SYNJ1: variants seen among roughly 807,000 people sequenced by gnomAD.
SYNJ1 encodes the protein polyphosphatidylinositol phosphatase SYNJ1.
In SYNJ1, 78 loss-of-function variants were observed where a neutral mutation model predicts 168.2. The ratio of observed to expected loss-of-function variants is 0.46; its 90% confidence interval spans 0.39 to 0.56. The LOEUF (loss-of-function observed/expected upper bound fraction) is 0.56. Ranked by LOEUF, SYNJ1 falls within the 20% of genes least tolerant of loss-of-function variation. SYNJ1 has a pLI of 0.00. For missense variants in SYNJ1, 1,303 were observed against 1,597.6 expected (o/e 0.82, Z 3.14); for synonymous variants, 539 against 548.6 (o/e 0.98, Z 0.24).
intron 11 of SYNJ1, among the ~76,000 whole-genome samples, chr21:32,679,393 T>C (rs1251122957): frequency 6.6e-6 from 1 of 152,178 alleles, no homozygotes; most frequent in Non-Finnish European, 1.5e-5. Flanking sequence ...AGTTTGTATA[T>C]TTTGAGTCAT....
intron 6 of SYNJ1, among the ~76,000 whole-genome samples, chr21:32,689,710 C>T (rs888329750): frequency 1.3e-5 from 2 of 152,230 alleles, no homozygotes; most frequent in African/African-American, 4.8e-5. Flanking sequence ...ACTGAATTAA[C>T]AGTACAGTAT....
At chr21:32,696,771 G>A (rs1044569296) in intron 4 of SYNJ1, among the ~76,000 whole-genome samples, 21 of 152,156 alleles carry the variant, frequency 1.4e-4, no homozygotes, top group Non-Finnish European at 1.5e-5. Flanking sequence ...GATAAAAAGG[G>A]TGGTCAGCAG....
chr21:32,681,441 T>C, intron 11 of SYNJ1, 55 bp downstream of exon 11: 1 of 1,527,706 alleles, frequency 6.5e-7, no homozygotes, highest in Non-Finnish European at 8.8e-7. Flanking sequence ...TTAAAAGCTT[T>C]ATGAAGAGAG....
intron 6 of SYNJ1, among the ~76,000 whole-genome samples, chr21:32,691,333 C>A (rs147532485): frequency 6.6e-6 from 1 of 152,196 alleles, no homozygotes; most frequent in Non-Finnish European, 1.5e-5. Flanking sequence ...TGAGACTCCT[C>A]GCTCCCCTTT....
chr21:32,640,575 G>A (rs921472589), intron 29 of SYNJ1, among the ~76,000 whole-genome samples: 1 of 152,164 alleles, frequency 6.6e-6, no homozygotes, highest in African/African-American at 2.4e-5. Flanking sequence ...GACCACAGGC[G>A]TGAGCCACCG....
Position 32,684,032 on chromosome 21 carries a change from T to G in SYNJ1, c.1200+6A>C, listed in dbSNP as rs754273455. 18 of 1,613,078 alleles carry G rather than the reference T, an allele frequency of 1.1e-5. No individual in the cohort carries two copies. The highest frequency in any genetic ancestry group is 3.3e-5 in the Admixed American group (2 of 60,000). ...AAGGCACATACATTTTAATTTATTC[T>G]TTTACCTCTAAGCCAAGAAATGCCT... On this transcript the variant is annotated splice_donor_region_variant and intron_variant, in intron 10 of 32. Transcript: ENST00000674351.
chr21:32,718,401 G>A (rs1052237736), intron 2 of SYNJ1, among the ~76,000 whole-genome samples: 1 of 151,990 alleles, frequency 6.6e-6, no homozygotes, highest in African/African-American at 2.4e-5. Context: ...TATTAAATAC[G>A]TACATTCCTC....
chr21:32,666,361 T>C lies in SYNJ1; in HGVS notation c.1952+72A>G, dbSNP rs1027198213. 3.0e-5 allele frequency: 47 copies of C among 1,546,668 alleles called. No individual in the cohort carries two copies. In the East Asian group the frequency reaches 1.0e-3, roughly 34 times the overall value. Reference sequence around the variant, plus strand: ...GTTTTTGTTTGAAGAACTGAAACAATAAACATTCTAGGCTTTTTTCTTGTT... The same window carrying C: ...GTTTTTGTTTGAAGAACTGAAACAACAAACATTCTAGGCTTTTTTCTTGTT... On this transcript the variant is annotated intron_variant, in intron 16 of 32. Transcript: ENST00000674351.
intron 10 of SYNJ1, 62 bp from the exon 11 acceptor site, chr21:32,681,710 T>C: frequency 1.3e-6 from 2 of 1,490,356 alleles, no homozygotes; most frequent in Middle Eastern, 1.8e-4. Context: ...ATATGGCTTT[T>C]AAGAACTACC....
intron 23 of SYNJ1, among the ~76,000 whole-genome samples, 186 bp downstream of exon 23, chr21:32,649,998 C>T (rs2040215795): frequency 1.3e-5 from 2 of 152,158 alleles, no homozygotes; most frequent in Admixed American, 1.3e-4. Flanking sequence ...AATCCACCCT[C>T]CTCAGCCTCC....
chr21:32,714,966 A>C (rs970033857), intron 2 of SYNJ1, among the ~76,000 whole-genome samples: 2 of 152,182 alleles, frequency 1.3e-5, no homozygotes, highest in Non-Finnish European at 2.9e-5. Flanking sequence ...ATAATTATTC[A>C]ACCCAGCTCT....
In SYNJ1 at chr21:32,673,437, A is replaced by G. The variant is rs757310806; in HGVS notation, c.1629T>C (p.Asn543=). The change falls in exon 14 of 33, where the codon AAT becomes AAC. Residue 543 remains asparagine, a synonymous_variant. Coordinates refer to ENST00000674351, the MANE Select transcript of SYNJ1 (RefSeq NM_203446.3). ...IRVCVGTWNV[N]GGKQFRSIAF... Reference sequence around the variant, plus strand: ...CTATGCTGCGAAATTGCTTCCCACCATTCACATTCCAGGTTCCGACACATA... The same window carrying G: ...CTATGCTGCGAAATTGCTTCCCACCGTTCACATTCCAGGTTCCGACACATA... 9.9e-6 allele frequency: 16 copies of G among 1,613,762 alleles called. No individual in the cohort carries two copies. In the South Asian group the frequency reaches 1.6e-4, roughly 17 times the overall value.
chr21:32,719,639 G>A (rs1412615490), intron 2 of SYNJ1, among the ~76,000 whole-genome samples: 1 of 151,338 alleles, frequency 6.6e-6, no homozygotes, highest in Non-Finnish European at 1.5e-5. Flanking sequence ...GCTTGAACCC[G>A]TAGGCAGAGG....
At chr21:32,665,228 C>T (rs2040879086) in intron 17 of SYNJ1, among the ~76,000 whole-genome samples, 157 bp from the exon 18 acceptor site, 1 of 152,150 alleles carries the variant, frequency 6.6e-6, no homozygotes, top group South Asian at 2.1e-4. Context: ...AATCTCAGGA[C>T]CCCAAAATCA....
chr21:32,678,449 T>C (rs1002598614), intron 12 of SYNJ1, among the ~76,000 whole-genome samples, 196 bp downstream of exon 12: 3 of 152,192 alleles, frequency 2.0e-5, no homozygotes, highest in Non-Finnish European at 4.4e-5. Flanking sequence ...GTTTACAGCT[T>C]AGTAATACCA....
chr21:32,721,000 T>C (rs970237750), intron 2 of SYNJ1, among the ~76,000 whole-genome samples: 1 of 152,270 alleles, frequency 6.6e-6, no homozygotes, highest in African/African-American at 2.4e-5. Context: ...TGTATGTGTG[T>C]GTAAACTGGA....
chr21:32,670,172 C>A (rs752500634), intron 15 of SYNJ1, 116 bp downstream of exon 15: 12 of 762,358 alleles, frequency 1.6e-5, no homozygotes, highest in Non-Finnish European at 2.5e-5. Flanking sequence ...TACAGTTTTA[C>A]GAGCACCCTT....
intron 27 of SYNJ1, among the ~76,000 whole-genome samples, chr21:32,642,878 A>T (rs1312852017): frequency 1.3e-5 from 2 of 152,226 alleles, no homozygotes; most frequent in Non-Finnish European, 2.9e-5. Flanking sequence ...TATAAGAAAT[A>T]CATCAGCCTT....
intron 18 of SYNJ1, among the ~76,000 whole-genome samples, chr21:32,660,789 G>A (rs2040667374): frequency 1.3e-5 from 2 of 152,164 alleles, no homozygotes; most frequent in South Asian, 4.1e-4. Context: ...CATTATATAA[G>A]GAAAAGGGCC....
Sources: allele counts gnomAD v4.1 joint callset (sites outside exome capture counted in the v4.1 genomes callset), GRCh38; gene constraint gnomAD v4.1.1; transcripts MANE v1.5; gene names NCBI Gene and HGNC (gene_info 2026-07-23, HGNC 2026-07-21).